The following ZNF805 variants were observed in gnomAD, a reference collection of about 807,000 sequenced individuals.
ZNF805 encodes the protein zinc finger protein 805.
ZNF805 carries 7 observed loss-of-function variants against 13.6 expected under a neutral mutation model. The observed-to-expected ratio is 0.51, with a 90% CI of 0.29 to 0.97. ZNF805 has a LOEUF of 0.97. ZNF805 is among the 50% of genes least tolerant of loss of function. The pLI is 0.08. For missense variants in ZNF805, 604 were observed against 771.0 expected (o/e 0.78, Z 2.57); for synonymous variants, 293 against 279.8 (o/e 1.05, Z -0.47).
Position 57,259,354 on chromosome 19 carries a change from C to CT in ZNF805, c.*4658dup. Among the ~76,000 whole-genome samples, 1 of 151,612 alleles carries CT rather than the reference C, an allele frequency of 6.6e-6. No individual in the cohort carries two copies. On this transcript the variant is annotated 3_prime_UTR_variant, in exon 4 of 4. Coordinates refer to ENST00000414468, the MANE Select transcript of ZNF805 (RefSeq NM_001023563.4). Reference sequence around the variant, plus strand: ...CCCCCTTTTTCTGGTCTATTTTTCCCTTTTTTTCATATTGGTTAATTTCTG... The same window carrying CT: ...CCCCCTTTTTCTGGTCTATTTTTCCCTTTTTTTTCATATTGGTTAATTTCTG...
Position 57,248,391 on chromosome 19 carries a change from A to G in ZNF805, c.158-214A>G, listed in dbSNP as rs150479278. 4.3e-3 allele frequency among the ~76,000 whole-genome samples: 660 copies of G among 152,312 alleles called. 2 individuals carry two copies. The highest frequency in any genetic ancestry group is 0.015 in the African/African-American group (626 of 41,564). ...CTGGACATGGTTATAGCCTATAAAT[A>G]CTAGTTTTTGACTTACTATTAGGAG... On this transcript the variant is annotated intron_variant, in intron 2 of 3. Transcript: ENST00000414468.
chr19:57,245,250 T>C (rs896085242), intron 2 of ZNF805, among the ~76,000 whole-genome samples: 3 of 152,228 alleles, frequency 2.0e-5, no homozygotes, highest in East Asian at 1.9e-4. Context: ...TTTGCTGTTC[T>C]CTTTGATGAG....
chr19:57,243,799 TG>T (rs1210004933), intron 1 of ZNF805, 123 bp from the exon 2 acceptor site: 2 of 1,350,732 alleles, frequency 1.5e-6, no homozygotes, highest in African/African-American at 2.9e-5. Context: ...TCCTTCAGCC[TG>T]GTACAAAGTT....
intron 1 of ZNF805, among the ~76,000 whole-genome samples, chr19:57,243,301 G>A (rs576434904): frequency 2.0e-4 from 30 of 152,148 alleles, no homozygotes; most frequent in Non-Finnish European, 3.5e-4. Flanking sequence ...ACATGGAGGT[G>A]ATTGGCGGTG....
chr19:57,243,796 G>A (rs1226798878), intron 1 of ZNF805, 127 bp from the exon 2 acceptor site: 18 of 1,329,882 alleles, frequency 1.4e-5, no homozygotes, highest in Non-Finnish European at 1.8e-5. Context: ...TCCTCCTTCA[G>A]CCTGGTACAA....
chr19:57,240,824 C>T lies in ZNF805; in HGVS notation c.-68C>T, dbSNP rs1186249918. The stretch of plus-strand genomic sequence containing the variant: ...CCCGGCGCAGGGAAGGGGTGGGGCT[C>T]GGCTGAGCCCGCGAGACCCGCCCTG... On this transcript the variant is annotated 5_prime_UTR_variant, in exon 1 of 4. Transcript: ENST00000414468. 2.1e-5 allele frequency: 32 copies of T among 1,488,690 alleles called. No individual in the cohort carries two copies. Among genetic ancestry groups the T allele is most frequent in the Non-Finnish European group, 2.8e-5 (31 of 1,101,278 alleles). The allele number at this position is 1,488,690 out of a possible 1,614,324, so 92.2% of individuals were successfully genotyped here.
At position 57,240,637 on chromosome 19, in the gene ZNF805, C is replaced by A. The variant is rs2087572299; in HGVS notation, c.-255C>A. 2.1e-6 allele frequency: 1 copy of A among 485,316 alleles called. No homozygotes were observed. The highest frequency in any genetic ancestry group is 3.7e-6 in the Non-Finnish European group (1 of 273,710). 30.1% of individuals were successfully genotyped at this position (485,316 alleles called of 1,614,324 possible). ...GGACGTAATTTGGGAGCGACGGTTCCGTCCACGCCGGCTCTAGGGAGGGGG... is the reference window on the plus strand; with the variant it reads ...GGACGTAATTTGGGAGCGACGGTTCAGTCCACGCCGGCTCTAGGGAGGGGG... On this transcript the variant is annotated 5_prime_UTR_variant, in exon 1 of 4. Transcript: ENST00000414468.
In ZNF805 at chr19:57,261,567, G is replaced by A. The variant is rs2087724369; in HGVS notation, c.*6864G>A. ...TTGGTAAATGGCCATACACAGCAGG[G>A]TATTTTTTATTATTATTTTCAGTTC... On this transcript the variant is annotated 3_prime_UTR_variant, in exon 4 of 4. Transcript: ENST00000414468. 6.0e-6 allele frequency: 1 copy of A among 166,928 alleles called. No individual in the cohort carries two copies. Among genetic ancestry groups the A allele is most frequent in the Admixed American group, 6.6e-5 (1 of 15,248 alleles). The allele number at this position is 166,928 out of a possible 1,614,324, so 10.3% of individuals were successfully genotyped here.
Position 57,240,851 on chromosome 19 carries a change from T to C in ZNF805, c.-41T>C, listed in dbSNP as rs376412481. On this transcript the variant is annotated 5_prime_UTR_variant, in exon 1 of 4. Transcript: ENST00000414468. ...GCTGAGCCCGCGAGACCCGCCCTGC[T>C]CGCCGCAGCCCCCGCCCCGCTAGGG... is the stretch of plus-strand genomic sequence containing the variant. 6.5e-7 allele frequency: 1 copy of C among 1,543,408 alleles called. No individual in the cohort carries two copies. Among genetic ancestry groups the C allele is most frequent in the Non-Finnish European group, 8.8e-7 (1 of 1,142,182 alleles).
rs760125832 is a variant in ZNF805 at position 57,254,363 on chromosome 19, AGT to A, written c.1548_1549del (p.Cys516TrpfsTer24). On this transcript the variant is annotated frameshift_variant, in exon 4 of 4. Transcript: ENST00000414468. LOFTEE classifies it low-confidence loss of function (END_TRUNC). ...GGAGAGAAGCCCTATGAATGCATCG[AGT>A]GTGGGAAAACATTTTGCTGGAGCAC... is the stretch of plus-strand genomic sequence containing the variant. 2.0e-5 allele frequency: 32 copies of A among 1,614,018 alleles called. 1 individual carries two copies. In the South Asian group the frequency reaches 3.4e-4, roughly 17 times the overall value.
At position 57,258,035 on chromosome 19, in the gene ZNF805, G is replaced by C. The variant is rs528107857; in HGVS notation, c.*3332G>C. Among the ~76,000 whole-genome samples the C allele has an allele frequency of 7.4e-6, 1 of 134,670 alleles. No individual in the cohort carries two copies. Among genetic ancestry groups the C allele is most frequent in the Non-Finnish European group, 1.6e-5 (1 of 64,376 alleles). 88.3% of individuals were successfully genotyped at this position (134,670 alleles called of 152,430 possible). A position where few individuals can be genotyped will look rare whatever the true frequency, so the allele number is the denominator to read the frequency against. On this transcript the variant is annotated 3_prime_UTR_variant, in exon 4 of 4. Transcript: ENST00000414468. ...TTTTTTTTTTTTTTTTTTTTGAGAC[G>C]GAGTCTTGCTCTGTCGCCCTGGCTG...
rs1328162037 is a variant in ZNF805 at position 57,261,108 on chromosome 19, T to G, written c.*6405T>G. Among the ~76,000 whole-genome samples the G allele has an allele frequency of 1.3e-5, 2 of 152,204 alleles. No individual in the cohort carries two copies. ...TCCATGTCCTTAACCACTTTATTGC[T>G]TCTCATAAGGTGGGTCTTTGTTTCC... On this transcript the variant is annotated 3_prime_UTR_variant, in exon 4 of 4. Coordinates refer to ENST00000414468, the MANE Select transcript of ZNF805 (RefSeq NM_001023563.4).
At chr19:57,252,046 T>C (rs1179969351) in intron 3 of ZNF805, among the ~76,000 whole-genome samples, 1 of 152,198 alleles carries the variant, frequency 6.6e-6, no homozygotes, top group Non-Finnish European at 1.5e-5. Context: ...GTCACCTAGG[T>C]CAGAATCTTG....
Position 57,254,774 on chromosome 19 carries a change from C to T in ZNF805, c.*71C>T, listed in dbSNP as rs2087677202. The T allele has an allele frequency of 6.9e-7, 1 of 1,452,986 alleles. No homozygotes were observed. Among genetic ancestry groups the T allele is most frequent in the Admixed American group, 2.3e-5 (1 of 43,234 alleles). The allele number at this position is 1,452,986 out of a possible 1,614,324, so 90.0% of individuals were successfully genotyped here. ...ATTAGAAAATCACGCAGCTTAGAGC[C>T]TTATTCTCCATCCGAATTCATCCTG... On this transcript the variant is annotated 3_prime_UTR_variant, in exon 4 of 4. Transcript: ENST00000414468.
intron 2 of ZNF805, among the ~76,000 whole-genome samples, chr19:57,247,441 C>T (rs1051577784): frequency 7.9e-5 from 12 of 152,208 alleles, no homozygotes; most frequent in Non-Finnish European, 1.5e-4. Flanking sequence ...CCAGCCCCAG[C>T]TCTGCTCTTT....
At position 57,245,524 on chromosome 19, in the gene ZNF805, A is replaced by C. The variant is rs535645133; in HGVS notation, c.157+1475A>C. On this transcript the variant is annotated intron_variant, in intron 2 of 3. Coordinates refer to ENST00000414468, the MANE Select transcript of ZNF805 (RefSeq NM_001023563.4). ...GCCAGGTGCGATAGCTCATGCCTGT[A>C]ATCCCAGCACTTTGGGAGGCCGAGA... Among the ~76,000 whole-genome samples, 23 of 152,074 alleles carry C rather than the reference A, an allele frequency of 1.5e-4. No homozygotes were observed. The South Asian group carries it at 3.5e-3, about 23-fold the overall frequency.
At chr19:57,245,580 C>G (rs199503292) in intron 2 of ZNF805, among the ~76,000 whole-genome samples, 53 of 149,232 alleles carry the variant, frequency 3.6e-4, no homozygotes, top group Non-Finnish European at 5.8e-4. Flanking sequence ...GAGATAGAGA[C>G]CATCCTGGCT....
rs552499666 is a variant in ZNF805, at chr19:57,262,579, G to A, written c.*7876G>A. ...AAATGCCGTGTTCTTTCCCTAGCAC[G>A]TATGTCAGTTTCTCATCCACTCTTT... On this transcript the variant is annotated 3_prime_UTR_variant, in exon 4 of 4. Transcript: ENST00000414468. 60 of 167,148 alleles carry A rather than the reference G, an allele frequency of 3.6e-4. No individual in the cohort carries two copies. Among genetic ancestry groups the A allele is most frequent in the African/African-American group, 1.4e-3 (58 of 41,558 alleles). 10.4% of individuals were successfully genotyped at this position (167,148 alleles called of 1,614,324 possible). A position where few individuals can be genotyped will look rare whatever the true frequency, so the allele number is the denominator to read the frequency against.
intron 2 of ZNF805, among the ~76,000 whole-genome samples, chr19:57,245,802 A>G (rs1159848952): frequency 1.3e-5 from 2 of 151,908 alleles, no homozygotes; most frequent in African/African-American, 4.8e-5. Context: ...ACCTAAGATG[A>G]TAACATTGAC....
Sources: allele counts gnomAD v4.1 joint callset (sites outside exome capture counted in the v4.1 genomes callset), GRCh38; gene constraint gnomAD v4.1.1; transcripts MANE v1.5; gene names NCBI Gene and HGNC (gene_info 2026-07-23, HGNC 2026-07-21).